Variants in SKP2 observed in about 807,000 individuals in gnomAD.
SKP2 encodes S-phase kinase associated protein 2.
Under a neutral mutation model 51.8 loss-of-function variants are expected in SKP2, and 16 were observed. The observed-to-expected ratio is 0.31, with a 90% CI of 0.21 to 0.47. The LOEUF (loss-of-function observed/expected upper bound fraction) is 0.47. Among genes scored for constraint, SKP2 ranks in the 20% least tolerant of loss-of-function variants. The probability of loss-of-function intolerance (pLI) is 1.00; values close to 1 mark genes in which losing one functional copy is unlikely to be tolerated. For synonymous variants in SKP2, 176 were observed against 198.6 expected, an observed-to-expected ratio of 0.89 and a Z score of 0.96; for missense variants, 377 against 505.3, an observed-to-expected ratio of 0.75 and a Z score of 2.43.
chr5:36,182,253 G>A lies in SKP2; in HGVS notation c.*222G>A. ...TTGCTCTTAAGAGCCAAAGTTGTAG[G>A]CCTTTTGAAATTTTAGGAGAGTGAG... On this transcript the variant is annotated 3_prime_UTR_variant, in exon 10 of 10. Transcript: ENST00000274255. 2.3e-6 allele frequency: 3 copies of A among 1,307,740 alleles called. No homozygotes were observed. The highest frequency in any genetic ancestry group is 9.7e-7 in the Non-Finnish European group (1 of 1,029,216). The allele number at this position is 1,307,740 out of a possible 1,614,324, so 81.0% of individuals were successfully genotyped here.
chr5:36,191,328 A>G (rs1746019483), intron 6 of SKP2, among the ~76,000 whole-genome samples: 1 of 152,108 alleles, frequency 6.6e-6, no homozygotes, highest in South Asian at 2.1e-4. Context: ...GCCCCCTACA[A>G]CAAAGAATTG....
At chr5:36,162,973 A>G (rs1468158681) in intron 2 of SKP2, among the ~76,000 whole-genome samples, 1 of 152,158 alleles carries the variant, frequency 6.6e-6, no homozygotes, top group Non-Finnish European at 1.5e-5. Flanking sequence ...CTCACTTATC[A>G]CCAGAACAGC....
intron 7 of SKP2, among the ~76,000 whole-genome samples, chr5:36,174,279 T>G (rs1745562985): frequency 6.6e-6 from 1 of 152,078 alleles, no homozygotes; most frequent in Non-Finnish European, 1.5e-5. Context: ...TATGGTGAAA[T>G]GAAGGGGACA....
At chr5:36,181,163 C>T (rs933218639) in intron 9 of SKP2, among the ~76,000 whole-genome samples, 7 of 152,068 alleles carry the variant, frequency 4.6e-5, no homozygotes, top group East Asian at 1.9e-4. Flanking sequence ...AATGGTAATA[C>T]GTAGGGAGGT....
In SKP2 at chr5:36,170,366, T is replaced by G; in HGVS notation, c.694T>G (p.Leu232Val). ...CAGTACTCTCGCAAAAAACTCAAATTTAGTGCGACTTAACCTTTCTGGGTG... is the reference window on the plus strand; with the variant it reads ...CAGTACTCTCGCAAAAAACTCAAATGTAGTGCGACTTAACCTTTCTGGGTG... ...IVNTLAKNSN[L>V]VRLNLSGCSG... The change falls in exon 6 of 10, where the codon TTA (leucine) becomes GTA (valine). Residue 232 changes from leucine to valine, a missense_variant. Around this residue, in one of 2 missense-constraint regions of SKP2, gnomAD observed 262 missense variants for 389.8 expected, o/e 0.67. Coordinates refer to ENST00000274255, the MANE Select transcript of SKP2 (RefSeq NM_005983.4). The G allele has an allele frequency of 6.2e-7, 1 of 1,612,606 alleles. No individual in the cohort carries two copies. The highest frequency in any genetic ancestry group is 1.7e-4 in the Middle Eastern group (1 of 6,058).
chr5:36,178,860 A>T (rs951473905), intron 9 of SKP2, among the ~76,000 whole-genome samples: 17 of 152,086 alleles, frequency 1.1e-4, no homozygotes, highest in African/African-American at 4.1e-4. Flanking sequence ...GAAGGCTGTG[A>T]GCTCTTCATT....
intron 2 of SKP2, among the ~76,000 whole-genome samples, chr5:36,160,342 T>C (rs962824788): frequency 6.6e-6 from 1 of 152,230 alleles, no homozygotes; most frequent in Non-Finnish European, 1.5e-5. Flanking sequence ...TACTCTTCCA[T>C]AGAGGCCACT....
At chr5:36,159,918 T>C (rs1012423202) in intron 2 of SKP2, among the ~76,000 whole-genome samples, 1 of 152,082 alleles carries the variant, frequency 6.6e-6, no homozygotes, top group African/African-American at 2.4e-5. Context: ...TGCCCATGGG[T>C]GAAAATTCAG....
intron 3 of SKP2, among the ~76,000 whole-genome samples, chr5:36,164,594 C>G (rs186355498): frequency 6.6e-6 from 1 of 152,346 alleles, no homozygotes; most frequent in East Asian, 1.9e-4. Flanking sequence ...ATAGCAGGAG[C>G]CTCTTGCCTT....
chr5:36,175,570 C>T (rs891984087), intron 7 of SKP2, among the ~76,000 whole-genome samples: 1 of 152,004 alleles, frequency 6.6e-6, no homozygotes, highest in African/African-American at 2.4e-5. Flanking sequence ...AATCCAAACA[C>T]CCTTGAATAC....
At chr5:36,171,774 A>G (rs957405093) in intron 7 of SKP2, 41 bp downstream of exon 7, 4 of 1,595,892 alleles carry the variant, frequency 2.5e-6, no homozygotes, top group South Asian at 1.1e-5. Flanking sequence ...CCTTCACAAC[A>G]TAATAGATGA....
intron 9 of SKP2, among the ~76,000 whole-genome samples, chr5:36,178,882 A>G (rs1005605552): frequency 6.6e-6 from 1 of 152,090 alleles, no homozygotes; most frequent in Non-Finnish European, 1.5e-5. Context: ...TAATATTTTT[A>G]TCCAGTGGGA....
At chr5:36,165,050 A>G (rs1054873681) in intron 3 of SKP2, among the ~76,000 whole-genome samples, 27 of 152,296 alleles carry the variant, frequency 1.8e-4, no homozygotes, top group Non-Finnish European at 1.5e-5. Context: ...TTTGACCTAC[A>G]TCTCCCTTAG....
chr5:36,193,434 A>C (rs1302278412), intron 7 of SKP2: 1 of 146,198 alleles, frequency 6.8e-6, no homozygotes, highest in Non-Finnish European at 1.5e-5. Flanking sequence ...AGATCATGCC[A>C]CTGCAGTCCA....
chr5:36,184,851 A>G (rs1056469064), downstream of SKP2, among the ~76,000 whole-genome samples: 2 of 152,210 alleles, frequency 1.3e-5, no homozygotes, highest in Admixed American at 6.5e-5. Context: ...GTCTTCCACA[A>G]TGGTTGTACC....
chr5:36,163,501 A>T, intron 2 of SKP2, 144 bp from the exon 3 acceptor site: 3 of 613,904 alleles, frequency 4.9e-6, no homozygotes, highest in South Asian at 2.0e-5. Context: ...TCAAACAAAA[A>T]TAATTGTGAG....
Position 36,152,159 on chromosome 5 carries a change from C to T in SKP2, c.-104C>T, listed in dbSNP as rs1296080231. ...CTTAGCGGGTCTGGCTGCTGGGGGC[C>T]CGAGCAGCACGCTCGGAGCCGCCGC... On this transcript the variant is annotated 5_prime_UTR_variant, in exon 1 of 10. Transcript: ENST00000274255. The T allele has an allele frequency of 5.7e-6, 7 of 1,233,378 alleles. No individual in the cohort carries two copies. The South Asian group carries it at 6.0e-5, about 11-fold the overall frequency. The allele number at this position is 1,233,378 out of a possible 1,614,324, so 76.4% of individuals were successfully genotyped here. A position where few individuals can be genotyped will look rare whatever the true frequency, so the allele number is the denominator to read the frequency against.
At chr5:36,181,774 T>C (rs774246891) in intron 9 of SKP2, 44 bp from the exon 10 acceptor site, 8 of 1,606,846 alleles carry the variant, frequency 5.0e-6, no homozygotes, top group South Asian at 3.3e-5. Flanking sequence ...TCAAACAGTT[T>C]CCATAGATAC....
Position 36,181,813 on chromosome 5 carries a change from T to C in SKP2, c.1062-5T>C. On this transcript the variant is annotated splice_polypyrimidine_tract_variant and splice_region_variant and intron_variant, in intron 9 of 9. Coordinates refer to ENST00000274255, the MANE Select transcript of SKP2 (RefSeq NM_005983.4). ...TATTCTGAAAGTCTTTTTCTTCCTT[T>C]CCAGTGAACTTGGAGAAATTCCCAC... 6.2e-7 allele frequency: 1 copy of C among 1,613,816 alleles called. No homozygotes were observed. Among genetic ancestry groups the C allele is most frequent in the Non-Finnish European group, 8.5e-7 (1 of 1,179,724 alleles).
Sources: allele counts gnomAD v4.1 joint callset (sites outside exome capture counted in the v4.1 genomes callset), GRCh38; gene constraint gnomAD v4.1.1; regional missense constraint gnomAD v4.1.1; transcripts MANE v1.5; gene names NCBI Gene and HGNC (gene_info 2026-07-23, HGNC 2026-07-21).